The following MICALL2 variants were observed in gnomAD, a reference collection of about 807,000 sequenced individuals.
The protein encoded by MICALL2 is MICAL-like protein 2.
MICALL2 carries 111 observed loss-of-function variants against 91.1 expected under a neutral mutation model. The ratio of observed to expected loss-of-function variants is 1.22; its 90% confidence interval spans 1.04 to 1.43. The LOEUF (loss-of-function observed/expected upper bound fraction) is 1.43, where lower values mean the gene tolerates loss of function less well. MICALL2 is among the 40% of genes most tolerant of loss of function. MICALL2 has a pLI of 0.00. For missense variants in MICALL2, 1,556 were observed against 1,236.0 expected, an observed-to-expected ratio of 1.26 and a Z score of -3.88; for synonymous variants, 694 against 525.3, an observed-to-expected ratio of 1.32 and a Z score of -4.39.
Position 1,442,891 on chromosome 7 carries a change from C to T in MICALL2, c.1419-407G>A, listed in dbSNP as rs577250412. ...CCTGGGGCTTTGTCAGAGGCTGGGC[C>T]GGCCTGGGCTGCCAGGTTCAGTCCC... On this transcript the variant is annotated intron_variant, in intron 6 of 16. Transcript: ENST00000297508. Among the ~76,000 whole-genome samples, 241 of 152,244 alleles carry T rather than the reference C, an allele frequency of 1.6e-3. 3 individuals are homozygous for T. In the South Asian group the frequency reaches 0.018, roughly 11 times the overall value.
chr7:1,437,029 C>A, intron 14 of MICALL2, 173 bp from the exon 15 acceptor site: 1 of 527,440 alleles, frequency 1.9e-6, no homozygotes. Context: ...GAAGGAACGG[C>A]CACGTCAGAG....
chr7:1,457,146 C>T (rs564979261), intron 1 of MICALL2, among the ~76,000 whole-genome samples: 49 of 152,310 alleles, frequency 3.2e-4, no homozygotes, highest in African/African-American at 1.2e-3. Flanking sequence ...ATGGCCTTCT[C>T]CTCTGTCCTT....
intron 14 of MICALL2, 121 bp downstream of exon 14, chr7:1,437,414 G>A (rs894887514): frequency 7.2e-5 from 63 of 874,846 alleles, no homozygotes; most frequent in Non-Finnish European, 1.0e-4. Flanking sequence ...GGGCTCGCCT[G>A]GCTCCAGGGA....
chr7:1,448,908 T>A (rs1780713102), intron 2 of MICALL2, 147 bp from the exon 3 acceptor site: 1 of 918,838 alleles, frequency 1.1e-6, no homozygotes, highest in East Asian at 2.7e-5. Context: ...TCGCGTGGCC[T>A]CCCGGCCTCA....
chr7:1,459,408 C>G lies in MICALL2; in HGVS notation c.-82G>C, dbSNP rs1017383136. On this transcript the variant is annotated 5_prime_UTR_variant, in exon 1 of 17. Coordinates refer to ENST00000297508, the MANE Select transcript of MICALL2 (RefSeq NM_182924.4). ...TGCCGCGACCGCCCGGCCGGCGGGACAGACGCTGGGACCGCTACGGAACCG... is the reference window on the plus strand; with the variant it reads ...TGCCGCGACCGCCCGGCCGGCGGGAGAGACGCTGGGACCGCTACGGAACCG... The G allele has an allele frequency of 1.2e-4, 159 of 1,314,776 alleles. No homozygotes were observed. Among genetic ancestry groups the G allele is most frequent in the Non-Finnish European group, 1.5e-4 (156 of 1,017,100 alleles). 81.4% of individuals were successfully genotyped at this position (1,314,776 alleles called of 1,614,324 possible).
rs370424440 is a variant in MICALL2 at position 1,436,830 on chromosome 7, G to A, written c.2503C>T (p.Arg835Trp). The A allele has an allele frequency of 2.7e-5, 44 of 1,603,066 alleles. No individual in the cohort carries two copies. The highest frequency in any genetic ancestry group is 1.0e-4 in the Admixed American group (6 of 59,210). ...PEALKSLQER[R>W]REQELLEQYV... ...TGCTCCAGCAGCTCCTGCTCCCGCC[G>A]CCGCTCCTGCAGTGACTTCAGAGCC... Residue 835 changes from arginine to tryptophan, a missense_variant, in exon 15 of 17, where the codon CGG (arginine) becomes TGG (tryptophan). Coordinates refer to ENST00000297508, the MANE Select transcript of MICALL2 (RefSeq NM_182924.4).
chr7:1,453,126 C>A (rs1362602401), intron 1 of MICALL2, among the ~76,000 whole-genome samples: 3 of 151,990 alleles, frequency 2.0e-5, no homozygotes, highest in East Asian at 1.9e-4. Context: ...CAGGTGGAGA[C>A]CCCACTCGTG....
Position 1,436,810 on chromosome 7 carries a change from C to T in MICALL2, c.2523G>A (p.Leu841=). The T allele has an allele frequency of 3.1e-6, 5 of 1,607,166 alleles. No individual in the cohort carries two copies. Among genetic ancestry groups the T allele is most frequent in the Non-Finnish European group, 4.2e-6 (5 of 1,177,968 alleles). The change falls in exon 15 of 17, where the codon CTG becomes CTA. Residue 841 remains leucine (L), a synonymous_variant. Transcript: ENST00000297508. ...LQERRREQEL[L]EQYVSTVNDR... ...CGTTCACGGTGCTCACGTACTGCTC[C>T]AGCAGCTCCTGCTCCCGCCGCCGCT...
At chr7:1,440,840 C>T (rs1028384662) in intron 7 of MICALL2, 156 bp from the exon 8 acceptor site, 6 of 632,728 alleles carry the variant, frequency 9.5e-6, no homozygotes, top group African/African-American at 1.8e-5. Flanking sequence ...GAGCACCGGG[C>T]AGGGAGTCAG....
At chr7:1,455,651 G>A (rs1432709548) in intron 1 of MICALL2, among the ~76,000 whole-genome samples, 1 of 151,946 alleles carries the variant, frequency 6.6e-6, no homozygotes, top group East Asian at 1.9e-4. Flanking sequence ...CGGGGTCGGT[G>A]GGGCAGAGGC....
In MICALL2 at chr7:1,439,965, G is replaced by T; in HGVS notation, c.1926C>A (p.Asp642Glu). The T allele has an allele frequency of 6.6e-7, 1 of 1,518,388 alleles. No homozygotes were observed. The highest frequency in any genetic ancestry group is 8.7e-7 in the Non-Finnish European group (1 of 1,142,984). The allele number at this position is 1,518,388 out of a possible 1,614,324, so 94.1% of individuals were successfully genotyped here. ...CTGGGCTGGCTGGGCGTGGGGTCCT[G>T]TCAGGCCTCACGGGGGTCAGGGTGA... ...VHITLTPVRP[D>E]RTPRPASPGP... Residue 642 changes from aspartate (D) to glutamate (E), a missense_variant, in exon 9 of 17, where the codon GAC (aspartate) becomes GAA (glutamate). Coordinates refer to ENST00000297508, the MANE Select transcript of MICALL2 (RefSeq NM_182924.4).
Position 1,459,410 on chromosome 7 carries a change from G to A in MICALL2, c.-84C>T, listed in dbSNP as rs1781133987. ...CCGCGACCGCCCGGCCGGCGGGACA[G>A]ACGCTGGGACCGCTACGGAACCGCC... is the stretch of plus-strand genomic sequence containing the variant. On this transcript the variant is annotated 5_prime_UTR_variant, in exon 1 of 17. Transcript: ENST00000297508. The A allele has an allele frequency of 7.8e-7, 1 of 1,286,444 alleles. No homozygotes were observed. Among genetic ancestry groups the A allele is most frequent in the Non-Finnish European group, 1.0e-6 (1 of 993,624 alleles). 79.7% of individuals were successfully genotyped at this position (1,286,444 alleles called of 1,614,324 possible).
At chr7:1,458,239 C>T (rs942032040) in intron 1 of MICALL2, among the ~76,000 whole-genome samples, 3 of 152,338 alleles carry the variant, frequency 2.0e-5, no homozygotes, top group East Asian at 3.9e-4. Context: ...AAGGACCCCT[C>T]CTCTTAGCCT....
At position 1,438,219 on chromosome 7, in the gene MICALL2, A is replaced by G; in HGVS notation, c.2189T>C (p.Leu730Pro). The change falls in exon 12 of 17, where the codon CTG becomes CCG. Residue 730 changes from leucine (L) to proline (P), a missense_variant and splice_region_variant. Coordinates refer to ENST00000297508, the MANE Select transcript of MICALL2 (RefSeq NM_182924.4). ...PGETVTSPVR[L>P]HPDYLSPEEI... ...CTCCGGGGAGAGGTAGTCGGGGTGCAGCTGGGAACGGAGGGGCGGTGAGGA... is the reference window on the plus strand; with the variant it reads ...CTCCGGGGAGAGGTAGTCGGGGTGCGGCTGGGAACGGAGGGGCGGTGAGGA... The G allele has an allele frequency of 6.3e-7, 1 of 1,587,938 alleles. No individual in the cohort carries two copies. Among genetic ancestry groups the G allele is most frequent in the Non-Finnish European group, 8.6e-7 (1 of 1,167,288 alleles).
intron 1 of MICALL2, among the ~76,000 whole-genome samples, chr7:1,458,768 G>A (rs1252089757): frequency 5.3e-5 from 8 of 152,232 alleles, no homozygotes; most frequent in Non-Finnish European, 8.8e-5. Context: ...CATCCCCCCA[G>A]GGGCCTGAAC....
In MICALL2 at chr7:1,434,447, G is replaced by C. The variant is rs774165183; in HGVS notation, c.*149C>G. 2 of 724,636 alleles carry C rather than the reference G, an allele frequency of 2.8e-6. No individual in the cohort carries two copies. The highest frequency in any genetic ancestry group is 1.7e-5 in the African/African-American group (1 of 57,658). The allele number at this position is 724,636 out of a possible 1,614,324, so 44.9% of individuals were successfully genotyped here. ...CACATGCCCCTTGTAGGGACAGGAG[G>C]CCCTTCCCGAGTCCAAGTCCGAATG... On this transcript the variant is annotated 3_prime_UTR_variant, in exon 17 of 17. Transcript: ENST00000297508.
intron 12 of MICALL2, 33 bp downstream of exon 12, chr7:1,438,064 C>T (rs368464484): frequency 7.7e-6 from 12 of 1,566,408 alleles, no homozygotes; most frequent in Admixed American, 1.9e-5. Flanking sequence ...CTGTGGGAGT[C>T]GGGCTGGCCC....
chr7:1,440,727 G>T, intron 7 of MICALL2, 43 bp from the exon 8 acceptor site: 3 of 1,532,320 alleles, frequency 2.0e-6, no homozygotes, highest in Non-Finnish European at 2.7e-6. Flanking sequence ...AAGGAGTGCT[G>T]GGAATGGGGT....
rs555452167 is a variant in MICALL2, at chr7:1,445,866, A to C, written c.642-438T>G. On this transcript the variant is annotated intron_variant, in intron 5 of 16. Transcript: ENST00000297508. ...AGAGCTGGGGACAGAAGTAGGGGGA[A>C]CAGCGCTTGTTTCCTAGGAGCCCCC... Among the ~76,000 whole-genome samples, 3 of 152,076 alleles carry C rather than the reference A, an allele frequency of 2.0e-5. No individual in the cohort carries two copies. In the South Asian group the frequency reaches 6.2e-4, roughly 32 times the overall value.
Sources: gnomAD v4.1 joint callset for allele counts (sites outside exome capture counted in the v4.1 genomes callset) on GRCh38, gnomAD v4.1.1 for gene constraint, MANE v1.5 for transcripts, NCBI Gene and HGNC (gene_info 2026-07-23, HGNC 2026-07-21) for gene names.